The following LCORL variants were observed in gnomAD, a reference collection of about 807,000 sequenced individuals.
LCORL encodes the protein ligand dependent nuclear receptor corepressor like, also known as ligand-dependent nuclear receptor corepressor-like protein.
A neutral mutation model predicts 141.8 loss-of-function variants in LCORL; 41 were observed. That is an observed-to-expected ratio of 0.29 (90% CI 0.23 to 0.38). The LOEUF (loss-of-function observed/expected upper bound fraction) is 0.38. Among genes scored for constraint, LCORL ranks in the 10% least tolerant of loss-of-function variants. LCORL has a pLI of 1.00. For synonymous variants in LCORL, 618 were observed against 694.1 expected (o/e 0.89, Z 1.72); for missense variants, 1,759 against 2,035.0 (o/e 0.86, Z 2.61).
chr4:17,873,717 C>T, exon 7 of LCORL: 1 of 1,233,682 alleles, frequency 8.1e-7, no homozygotes, highest in Non-Finnish European at 1.0e-6. Context: ...ATGAGTATTT[C>T]CACTGTCAGT....
chr4:17,852,692 A>C (rs1723900379), intron 7 of LCORL, among the ~76,000 whole-genome samples: 1 of 152,126 alleles, frequency 6.6e-6, no homozygotes, highest in Admixed American at 6.5e-5. Context: ...AATCCCATGG[A>C]CCCCAAGATA....
At chr4:17,996,933 C>A (rs1204893334) in intron 1 of LCORL, among the ~76,000 whole-genome samples, 3 of 152,072 alleles carry the variant, frequency 2.0e-5, no homozygotes, top group African/African-American at 4.8e-5. Context: ...AGTTAGCATA[C>A]GTAGCCTTCC....
chr4:17,891,297 C>A (rs1729036446), intron 5 of LCORL, among the ~76,000 whole-genome samples: 3 of 151,938 alleles, frequency 2.0e-5, no homozygotes, highest in African/African-American at 7.3e-5. Context: ...ATTACCTGAG[C>A]CCAGAGTTTA....
chr4:17,959,043 G>C (rs1168241937), intron 4 of LCORL, among the ~76,000 whole-genome samples: 2 of 151,966 alleles, frequency 1.3e-5, no homozygotes, highest in Non-Finnish European at 2.9e-5. Flanking sequence ...TTTTTGACTA[G>C]CTTCTAAATA....
intron 1 of LCORL, among the ~76,000 whole-genome samples, chr4:18,002,377 C>A (rs2109832345): frequency 1.3e-5 from 2 of 152,068 alleles, no homozygotes; most frequent in East Asian, 3.9e-4. Context: ...GGTGCTCTCA[C>A]CAGCACCACT....
intron 1 of LCORL, among the ~76,000 whole-genome samples, chr4:17,983,818 G>A (rs1718453696): frequency 6.6e-6 from 1 of 152,170 alleles, no homozygotes; most frequent in Non-Finnish European, 1.5e-5. Context: ...AATAGAAGTA[G>A]TGAGAGAGGA....
In LCORL at chr4:17,880,616, CT is replaced by C. The variant is rs1271573856; in HGVS notation, c.777-2404del. 9.2e-6 allele frequency: 9 copies of C among 982,038 alleles called. No homozygotes were observed. The South Asian group carries it at 1.4e-4, about 15-fold the overall frequency. 60.8% of individuals were successfully genotyped at this position (982,038 alleles called of 1,614,324 possible). ...GTAGTCAGTTTTTTTCTTTTCTTTT[CT>C]TTTTTTCTTTTACTGAATGAGTAAA... On this transcript the variant is annotated intron_variant, in intron 6 of 7. Coordinates refer to ENST00000635767, the Ensembl canonical transcript of LCORL.
chr4:17,979,286 CT>C (rs1406531295), intron 1 of LCORL, among the ~76,000 whole-genome samples: 7 of 152,302 alleles, frequency 4.6e-5, no homozygotes, highest in African/African-American at 1.7e-4. Context: ...TTTCCTTCTT[CT>C]CAGGGACCAG....
chr4:17,883,179 A>G, intron 6 of LCORL: 1 of 982,226 alleles, frequency 1.0e-6, no homozygotes, highest in Non-Finnish European at 1.2e-6. Flanking sequence ...ATTTCATAGA[A>G]TGCACTGTCG....
chr4:17,947,874 G>A (rs986013774), intron 4 of LCORL, among the ~76,000 whole-genome samples: 4 of 151,886 alleles, frequency 2.6e-5, no homozygotes, highest in Non-Finnish European at 5.9e-5. Flanking sequence ...ATGTGTTACA[G>A]GAAATCTAAG....
chr4:17,986,216 A>T (rs1160798680), intron 1 of LCORL, among the ~76,000 whole-genome samples: 1 of 152,138 alleles, frequency 6.6e-6, no homozygotes, highest in Non-Finnish European at 1.5e-5. Context: ...AACCTTGGAA[A>T]ATGTAATGAT....
At chr4:17,865,556 G>A (rs1725541301) in intron 7 of LCORL, among the ~76,000 whole-genome samples, 1 of 152,092 alleles carries the variant, frequency 6.6e-6, no homozygotes, top group African/African-American at 2.4e-5. Flanking sequence ...AAAATATTTT[G>A]AATTTAATTA....
chr4:18,020,144 C>A (rs1001688566), intron 1 of LCORL, among the ~76,000 whole-genome samples: 1 of 152,202 alleles, frequency 6.6e-6, no homozygotes, highest in African/African-American at 2.4e-5. Context: ...TTCCTATATT[C>A]ATCGCGTTCT....
chr4:17,873,728 A>G (rs1409659816), exon 7 of LCORL: 1 of 1,233,786 alleles, frequency 8.1e-7, no homozygotes, highest in Non-Finnish European at 1.0e-6. Flanking sequence ...CACTGTCAGT[A>G]GATTCAGGAG....
intron 1 of LCORL, among the ~76,000 whole-genome samples, chr4:18,009,824 C>G (rs918460791): frequency 6.6e-6 from 1 of 151,432 alleles, no homozygotes; most frequent in African/African-American, 2.4e-5. Context: ...TGCTCCTTAC[C>G]CTTCATTCCA....
intron 1 of LCORL, among the ~76,000 whole-genome samples, chr4:17,996,029 T>C (rs1720871694): frequency 6.6e-6 from 1 of 152,114 alleles, no homozygotes; most frequent in Non-Finnish European, 1.5e-5. Context: ...AGATACTGAA[T>C]TAATTTGCAT....
At chr4:17,949,231 T>C (rs1201379080) in intron 4 of LCORL, among the ~76,000 whole-genome samples, 1 of 152,108 alleles carries the variant, frequency 6.6e-6, no homozygotes, top group Admixed American at 6.6e-5. Flanking sequence ...GTACAATTGA[T>C]GTGGAAGAGG....
In LCORL at chr4:17,985,694, T is replaced by C. The variant is rs1718832460; in HGVS notation, c.155-12809A>G. Among the ~76,000 whole-genome samples, 4 of 152,120 alleles carry C rather than the reference T, an allele frequency of 2.6e-5. No homozygotes were observed. In the South Asian group the frequency reaches 6.2e-4, roughly 24 times the overall value. ...TGGGTCTCTTGAAGATGGCATACCA[T>C]TGGGTCTTGCTTTTTTATCCAGATT... is the stretch of plus-strand genomic sequence containing the variant. On this transcript the variant is annotated intron_variant, in intron 1 of 7. Coordinates refer to ENST00000635767, the Ensembl canonical transcript of LCORL.
chr4:17,860,468 G>T (rs527965829), intron 7 of LCORL, among the ~76,000 whole-genome samples: 47 of 152,104 alleles, frequency 3.1e-4, no homozygotes, highest in Non-Finnish European at 5.4e-4. Flanking sequence ...TGAAAGACCT[G>T]CCCCCATGAT....
Sources: gnomAD v4.1 joint callset for allele counts (sites outside exome capture counted in the v4.1 genomes callset) on GRCh38, gnomAD v4.1.1 for gene constraint, MANE v1.5 for transcripts, NCBI Gene and HGNC (gene_info 2026-07-23, HGNC 2026-07-21) for gene names.